Variants in ELF2 observed in about 807,000 individuals in gnomAD.
ELF2 encodes ETS-related transcription factor Elf-2.
A neutral mutation model predicts 54.8 loss-of-function variants in ELF2; 11 were observed. That is an observed-to-expected ratio of 0.20 (90% CI 0.13 to 0.33). The LOEUF is 0.33. Among genes scored for constraint, ELF2 ranks in the 10% least tolerant of loss-of-function variants. The pLI, the probability that ELF2 is intolerant of heterozygous loss-of-function variation, is 1.00. For synonymous variants in ELF2, 203 were observed against 245.1 expected, an observed-to-expected ratio of 0.83 and a Z score of 1.61; for missense variants, 513 against 703.0, an observed-to-expected ratio of 0.73 and a Z score of 3.06.
intron 7 of ELF2, 77 bp from the exon 8 acceptor site, chr4:139,062,134 C>A: frequency 7.3e-7 from 1 of 1,364,364 alleles, no homozygotes; most frequent in Non-Finnish European, 1.0e-6. Flanking sequence ...ATAAAGTGTC[C>A]TTCATTGTAT....
intron 1 of ELF2, among the ~76,000 whole-genome samples, chr4:139,151,035 A>AGAAAGAAG (rs1739867075): frequency 2.4e-5 from 1 of 42,526 alleles, no homozygotes; most frequent in Non-Finnish European, 5.6e-5. Flanking sequence ...AAAAAAAAAA[A>AGAAAGAAG]GAAAGAAAGA....
chr4:139,111,637 G>C (rs1283724185), intron 4 of ELF2, among the ~76,000 whole-genome samples: 3 of 151,992 alleles, frequency 2.0e-5, no homozygotes, highest in African/African-American at 7.3e-5. Flanking sequence ...GCTGTTTTGA[G>C]TCTCGCCCAG....
At chr4:139,165,804 A>G (rs1741657724) in intron 1 of ELF2, among the ~76,000 whole-genome samples, 1 of 152,248 alleles carries the variant, frequency 6.6e-6, no homozygotes, top group South Asian at 2.1e-4. Flanking sequence ...TATGGAAAGC[A>G]CTGACAAATA....
Position 139,151,027 on chromosome 4 carries a change from A to ACAAG in ELF2, c.-251-11531_-251-11530insCTTG, listed in dbSNP as rs1560870770. The stretch of plus-strand genomic sequence containing the variant: ...TGACGGAACGAGGCTCCATCTCAAA[A>ACAAG]AAAAAAAAGAAAGAAAGAAAGAAAG... On this transcript the variant is annotated intron_variant, in intron 1 of 9. Coordinates refer to ENST00000686138, the MANE Select transcript of ELF2 (RefSeq NM_001331036.3). Among the ~76,000 whole-genome samples the ACAAG allele has an allele frequency of 5.5e-4, 69 of 124,872 alleles. 4 individuals carry two copies. Among genetic ancestry groups the ACAAG allele is most frequent in the African/African-American group, 2.4e-3 (68 of 28,892 alleles). 81.9% of individuals were successfully genotyped at this position (124,872 alleles called of 152,430 possible).
At chr4:139,078,008 A>G (rs1195506045) in intron 4 of ELF2, among the ~76,000 whole-genome samples, 1 of 152,218 alleles carries the variant, frequency 6.6e-6, no homozygotes, top group Non-Finnish European at 1.5e-5. Flanking sequence ...TTATTACAGT[A>G]CCAAAAATAA....
chr4:139,084,408 T>TAACGGCAGGGGCAGG, intron 4 of ELF2: 1 of 1,373,980 alleles, frequency 7.3e-7, no homozygotes. Flanking sequence ...CCCCACCACC[T>TAACGGCAGGGGCAGG]AACGGCAGGG....
intron 4 of ELF2, among the ~76,000 whole-genome samples, chr4:139,103,891 G>A (rs1050536735): frequency 2.6e-5 from 4 of 152,104 alleles, no homozygotes; most frequent in African/African-American, 9.7e-5. Context: ...ACAAATAATT[G>A]TTTAAAGATA....
chr4:139,175,197 C>A (rs910889062), intron 1 of ELF2, among the ~76,000 whole-genome samples: 4 of 152,282 alleles, frequency 2.6e-5, no homozygotes, highest in South Asian at 4.1e-4. Flanking sequence ...CATTAGCAGA[C>A]CCTACAGGCC....
intron 4 of ELF2, among the ~76,000 whole-genome samples, chr4:139,092,996 C>T (rs1364033722): frequency 1.4e-5 from 2 of 145,946 alleles, no homozygotes; most frequent in East Asian, 2.0e-4. Context: ...GAAAGAGTCT[C>T]GCTCTGTCGC....
chr4:139,161,514 C>T (rs566369209), intron 1 of ELF2, among the ~76,000 whole-genome samples: 8 of 152,040 alleles, frequency 5.3e-5, no homozygotes, highest in Non-Finnish European at 1.2e-4. Context: ...AATCTCCATA[C>T]ATTTAACTTT....
intron 4 of ELF2, among the ~76,000 whole-genome samples, chr4:139,076,690 T>A (rs1730359521): frequency 6.6e-6 from 1 of 152,162 alleles, no homozygotes; most frequent in Non-Finnish European, 1.5e-5. Context: ...TTTCAAGTTA[T>A]AAACAAAATG....
At chr4:139,071,733 T>G in intron 6 of ELF2, 133 bp downstream of exon 6, 1 of 844,862 alleles carries the variant, frequency 1.2e-6, no homozygotes, top group Non-Finnish European at 1.8e-6. Context: ...ATGTTGATTC[T>G]TTGAGAATAT....
At chr4:139,062,181 T>C in intron 7 of ELF2, 124 bp from the exon 8 acceptor site, 3 of 1,079,638 alleles carry the variant, frequency 2.8e-6, no homozygotes, top group Non-Finnish European at 2.6e-6. Flanking sequence ...CTACTTTTTT[T>C]TTTTTTGGAG....
intron 4 of ELF2, among the ~76,000 whole-genome samples, chr4:139,092,226 G>A (rs1732672409): frequency 6.6e-6 from 1 of 151,338 alleles, no homozygotes; most frequent in Admixed American, 6.6e-5. Flanking sequence ...GCTGGGCGTG[G>A]TGGCAGGCGA....
rs765592041 is a variant in ELF2 at position 139,059,124 on chromosome 4, A to G, written c.1641T>C (p.Asp547=). ...SEAVAKKQEH[D]VKTLQLVEEK... is the part of the protein sequence containing the mutation. ...CTTCTACTAGCTGCAAAGTTTTCAC[A>G]TCATGTTCTTGCTTTTTTGCCACTG... Residue 547 remains aspartate, a synonymous_variant, in exon 10 of 10, where the codon GAT becomes GAC. Coordinates refer to ENST00000686138, the MANE Select transcript of ELF2 (RefSeq NM_001331036.3). The G allele has an allele frequency of 5.6e-6, 9 of 1,613,802 alleles. No homozygotes were observed. In the African/African-American group the frequency reaches 1.1e-4, roughly 19 times the overall value.
intron 6 of ELF2, among the ~76,000 whole-genome samples, 194 bp from the exon 7 acceptor site, chr4:139,067,964 A>T (rs1310073422): frequency 6.6e-6 from 1 of 151,992 alleles, no homozygotes; most frequent in East Asian, 1.9e-4. Context: ...GTTAGTAGTA[A>T]TCTCTGTCAT....
chr4:139,106,118 A>T (rs994536703), intron 4 of ELF2, among the ~76,000 whole-genome samples: 1 of 152,242 alleles, frequency 6.6e-6, no homozygotes, highest in Admixed American at 6.5e-5. Flanking sequence ...TTAAACCAAC[A>T]AAGAGGTCAT....
At chr4:139,061,740 GCTC>G in intron 8 of ELF2, 122 bp downstream of exon 8, 1 of 1,040,716 alleles carries the variant, frequency 9.6e-7, no homozygotes, top group Non-Finnish European at 1.4e-6. Flanking sequence ...AATCTAAGAA[GCTC>G]CTCTAGAATA....
intron 4 of ELF2, chr4:139,084,295 C>G (rs931646608): frequency 1.3e-6 from 2 of 1,598,916 alleles, no homozygotes; most frequent in Non-Finnish European, 1.7e-6. Context: ...GCCGTGCGAC[C>G]GACACACACT....
Sources: allele counts gnomAD v4.1 joint callset (sites outside exome capture counted in the v4.1 genomes callset), GRCh38; gene constraint gnomAD v4.1.1; transcripts MANE v1.5; gene names NCBI Gene and HGNC (gene_info 2026-07-23, HGNC 2026-07-21).